Variants in RYR3 observed in about 807,000 individuals in gnomAD.
RYR3 encodes brain ryanodine receptor-calcium release channel.
A neutral mutation model predicts 584.3 loss-of-function variants in RYR3; 207 were observed. The observed-to-expected ratio is 0.35, with a 90% CI of 0.32 to 0.40. The LOEUF is 0.40. Among genes scored for constraint, RYR3 ranks in the 10% least tolerant of loss-of-function variants. The pLI, the probability that RYR3 is intolerant of heterozygous loss-of-function variation, is 1.00. For missense variants in RYR3, 5,616 were observed against 6,089.2 expected (o/e 0.92, Z 2.59); for synonymous variants, 2,416 against 2,248.5 (o/e 1.07, Z -2.11).
At chr15:33,362,964 TC>T in intron 1 of RYR3, among the ~76,000 whole-genome samples, 1 of 152,322 alleles carries the variant, frequency 6.6e-6, no homozygotes, top group Admixed American at 6.5e-5. Context: ...GTCTGTACTC[TC>T]CTATTAGAGA....
chr15:33,722,459 T>G (rs1337593866), intron 43 of RYR3: 1 of 495,460 alleles, frequency 2.0e-6, no homozygotes. Context: ...TTTTTCTCCA[T>G]CAGTGTCAAC....
chr15:33,332,099 A>C (rs1392979046), intron 1 of RYR3, among the ~76,000 whole-genome samples: 1 of 152,090 alleles, frequency 6.6e-6, no homozygotes, highest in Non-Finnish European at 1.5e-5. Flanking sequence ...ATCAATCTGA[A>C]AGAAAACAAA....
At chr15:33,807,310 G>T (rs1401179792) in intron 69 of RYR3, among the ~76,000 whole-genome samples, 1 of 152,138 alleles carries the variant, frequency 6.6e-6, no homozygotes, top group African/African-American at 2.4e-5. Flanking sequence ...ACTCTAGAAG[G>T]CTGCTTCTGG....
At chr15:33,454,416 C>A (rs757847293) in intron 1 of RYR3, among the ~76,000 whole-genome samples, 1 of 152,120 alleles carries the variant, frequency 6.6e-6, no homozygotes. Flanking sequence ...AGTATATTGG[C>A]GGTAACATGC....
rs553885014 is a variant in RYR3, at chr15:33,750,223, A to G, written c.8336A>G (p.Lys2779Arg). The change falls in exon 57 of 104, where the codon AAG becomes AGG. Residue 2779 changes from lysine to arginine, a missense_variant. This residue lies in a region of RYR3 where 1,280 missense variants were observed against 1,426.2 expected (regional missense o/e 0.90). Coordinates refer to ENST00000634891, the MANE Select transcript of RYR3 (RefSeq NM_001036.6). The part of the protein sequence containing the change: ...YDTLTAKEKF[K>R]DREKAQDLFK... ...ACCTTGACTGCCAAGGAAAAGTTCAAGGACCGGGAGAAGGCACAGGACCTG... is the reference window on the plus strand; with the variant it reads ...ACCTTGACTGCCAAGGAAAAGTTCAGGGACCGGGAGAAGGCACAGGACCTG... 2 of 1,609,844 alleles carry G rather than the reference A, an allele frequency of 1.2e-6. No individual in the cohort carries two copies. The highest frequency in any genetic ancestry group is 4.5e-5 in the East Asian group (2 of 44,808).
At chr15:33,712,407 A>G (rs963432820) in intron 43 of RYR3, among the ~76,000 whole-genome samples, 1 of 152,208 alleles carries the variant, frequency 6.6e-6, no homozygotes, top group African/African-American at 2.4e-5. Flanking sequence ...AAGCTTAAAG[A>G]TTTTTGAGGG....
chr15:33,488,383 C>T (rs185629211), intron 2 of RYR3, among the ~76,000 whole-genome samples: 6 of 150,446 alleles, frequency 4.0e-5, no homozygotes, highest in Admixed American at 2.0e-4. Flanking sequence ...ATTTTGGTCT[C>T]GATTAGCAGT....
chr15:33,472,460 G>A (rs1318416734), intron 1 of RYR3, among the ~76,000 whole-genome samples: 1 of 152,210 alleles, frequency 6.6e-6, no homozygotes, highest in Non-Finnish European at 1.5e-5. Flanking sequence ...GGCAATGGAT[G>A]GCCAGATGCT....
At chr15:33,765,218 G>A (rs2072911034) in intron 60 of RYR3, among the ~76,000 whole-genome samples, 1 of 152,040 alleles carries the variant, frequency 6.6e-6, no homozygotes, top group African/African-American at 2.4e-5. Context: ...GAAAAGAGGG[G>A]ATAGGTCATG....
chr15:33,702,458 A>C (rs2066377084), intron 42 of RYR3, among the ~76,000 whole-genome samples: 1 of 152,192 alleles, frequency 6.6e-6, no homozygotes, highest in Non-Finnish European at 1.5e-5. Context: ...CCGATCTATC[A>C]CAGGACAAGT....
In RYR3 at chr15:33,608,038, C is replaced by A. The variant is rs566622663; in HGVS notation, c.2164+4674C>A. ...AGCCCAGGCAGTCTGGTTCCAGAAA[C>A]CCCTTGACCACTACGATAAACTGCC... On this transcript the variant is annotated intron_variant, in intron 18 of 103. Transcript: ENST00000634891. 2.0e-3 allele frequency among the ~76,000 whole-genome samples: 310 copies of A among 152,350 alleles called. 1 individual carries two copies. The highest frequency in any genetic ancestry group is 7.3e-3 in the African/African-American group (305 of 41,580).
At chr15:33,574,162 C>G (rs1387684576) in intron 12 of RYR3, among the ~76,000 whole-genome samples, 2 of 152,294 alleles carry the variant, frequency 1.3e-5, no homozygotes, top group East Asian at 3.9e-4. Context: ...TTTCCAACTC[C>G]CTGTGTGGTG....
rs543186446 is a variant in RYR3, at chr15:33,472,168, T to C, written c.52-1251T>C. Among the ~76,000 whole-genome samples the C allele has an allele frequency of 6.6e-5, 10 of 152,324 alleles. No homozygotes were observed. The South Asian group carries it at 2.1e-3, about 32-fold the overall frequency. On this transcript the variant is annotated intron_variant, in intron 1 of 103. Transcript: ENST00000634891. ...GCTAGTAAAACTGTGGAGCTATGTT[T>C]TTCCACTCTTCGTTTCATACATCTA...
chr15:33,644,339 A>T lies in RYR3; in HGVS notation c.3585A>T (p.Leu1195=), dbSNP rs1000561812. 5.6e-6 allele frequency: 9 copies of T among 1,612,492 alleles called. No homozygotes were observed. The highest frequency in any genetic ancestry group is 6.8e-6 in the Non-Finnish European group (8 of 1,179,382). ...TCGTGCCCATCTGCTGTCTGGGTCT[A>T]TCTCAGATCGGCCGCATGAATCTCG... is the stretch of plus-strand genomic sequence containing the variant. ...NGFVPICCLG[L]SQIGRMNLGT... is the part of the protein sequence containing the mutation. The change falls in exon 28 of 104, where the codon CTA becomes CTT. Residue 1195 remains leucine (L), a synonymous_variant. Coordinates refer to ENST00000634891, the MANE Select transcript of RYR3 (RefSeq NM_001036.6).
chr15:33,671,006 G>A (rs531210739), intron 38 of RYR3, among the ~76,000 whole-genome samples: 2 of 152,086 alleles, frequency 1.3e-5, no homozygotes, highest in African/African-American at 2.4e-5. Flanking sequence ...TATGAGTTTG[G>A]GGGGGTTGTT....
intron 10 of RYR3, among the ~76,000 whole-genome samples, chr15:33,559,071 G>A (rs1336007449): frequency 6.6e-6 from 1 of 152,196 alleles, no homozygotes; most frequent in African/African-American, 2.4e-5. Flanking sequence ...ATTAGTCTAG[G>A]GGAATGGGGG....
intron 94 of RYR3, chr15:33,851,006 A>G (rs1400422474): frequency 2.0e-5 from 3 of 152,230 alleles, no homozygotes; most frequent in Non-Finnish European, 4.4e-5. Context: ...TATACTATAT[A>G]CATTATACTG....
At chr15:33,690,680 C>T (rs764260497) in intron 38 of RYR3, among the ~76,000 whole-genome samples, 1 of 152,162 alleles carries the variant, frequency 6.6e-6, no homozygotes, top group Non-Finnish European at 1.5e-5. Context: ...ATCACAGCCT[C>T]ACTTCAGCAT....
chr15:33,374,398 G>GTGTA (rs1440338013), intron 1 of RYR3, among the ~76,000 whole-genome samples: 3 of 130,316 alleles, frequency 2.3e-5, no homozygotes, highest in Admixed American at 7.3e-5. Flanking sequence ...GTGTGTGTGT[G>GTGTA]TATATATATC....
Sources: allele counts gnomAD v4.1 joint callset (sites outside exome capture counted in the v4.1 genomes callset), GRCh38; gene constraint gnomAD v4.1.1; regional missense constraint gnomAD v4.1.1; transcripts MANE v1.5; gene names NCBI Gene and HGNC (gene_info 2026-07-23, HGNC 2026-07-21).